DAPK1: variants seen among roughly 807,000 people sequenced by gnomAD.
DAPK1 encodes death-associated protein kinase 1.
In DAPK1, 56 loss-of-function variants were observed where a neutral mutation model predicts 144.9. The ratio of observed to expected loss-of-function variants is 0.39; its 90% confidence interval spans 0.31 to 0.48. The LOEUF (loss-of-function observed/expected upper bound fraction) is 0.48. Ranked by LOEUF, DAPK1 falls within the 20% of genes least tolerant of loss-of-function variation. The pLI, the probability that DAPK1 is intolerant of heterozygous loss-of-function variation, is 0.95. For synonymous variants in DAPK1, 690 were observed against 749.0 expected, an observed-to-expected ratio of 0.92 and a Z score of 1.29; for missense variants, 1,454 against 1,875.4, an observed-to-expected ratio of 0.78 and a Z score of 4.15.
chr9:87,544,057 A>G (rs1208640350), intron 2 of DAPK1, among the ~76,000 whole-genome samples: 3 of 152,218 alleles, frequency 2.0e-5, no homozygotes, highest in Admixed American at 1.3e-4. Flanking sequence ...ATGAATAAGT[A>G]TATAAATATG....
At chr9:87,537,959 C>T (rs570386281) in intron 2 of DAPK1, among the ~76,000 whole-genome samples, 2 of 152,200 alleles carry the variant, frequency 1.3e-5, no homozygotes, top group South Asian at 4.2e-4. Flanking sequence ...ATCCAAAATC[C>T]CTTAGGAATT....
chr9:87,540,903 G>A (rs1182453516), intron 2 of DAPK1, among the ~76,000 whole-genome samples: 2 of 152,066 alleles, frequency 1.3e-5, no homozygotes, highest in Non-Finnish European at 2.9e-5. Flanking sequence ...CTCTTTCCCC[G>A]AGTTCATCTG....
intron 3 of DAPK1, among the ~76,000 whole-genome samples, chr9:87,621,625 T>C (rs749301237): frequency 3.3e-5 from 5 of 152,232 alleles, no homozygotes; most frequent in Non-Finnish European, 7.3e-5. Flanking sequence ...GTCTGTGGTC[T>C]GCAGTTCTTT....
At chr9:87,522,921 C>T (rs1180025485) in intron 2 of DAPK1, among the ~76,000 whole-genome samples, 1 of 152,094 alleles carries the variant, frequency 6.6e-6, no homozygotes, top group East Asian at 1.9e-4. Context: ...TACTCTTTGC[C>T]CATTTTTCTC....
At position 87,643,347 on chromosome 9, in the gene DAPK1, C is replaced by CTTTT. The variant is rs10650070; in HGVS notation, c.919-13_919-10dup. Reference sequence around the variant, plus strand: ...CCTGCCTTTTTCCTCCCCGCCCTCCCTTTTTTTTTTTTTTTTTTTAAAAAA... The same window carrying CTTTT: ...CCTGCCTTTTTCCTCCCCGCCCTCCCTTTTTTTTTTTTTTTTTTTTTTTAAAAAA... On this transcript the variant is annotated intron_variant, in intron 10 of 25. Coordinates refer to ENST00000408954, the MANE Select transcript of DAPK1 (RefSeq NM_004938.4). 3.0e-3 allele frequency: 3,009 copies of CTTTT among 1,000,074 alleles called. 12 individuals carry two copies. Among genetic ancestry groups the CTTTT allele is most frequent in the East Asian group, 0.022 (717 of 31,964 alleles). The allele number at this position is 1,000,074 out of a possible 1,614,324, so 62.0% of individuals were successfully genotyped here. A position where few individuals can be genotyped will look rare whatever the true frequency, so the allele number is the denominator to read the frequency against.
At chr9:87,697,608 C>T (rs1825305598) in intron 22 of DAPK1, among the ~76,000 whole-genome samples, 1 of 152,104 alleles carries the variant, frequency 6.6e-6, no homozygotes, top group African/African-American at 2.4e-5. Context: ...CTAAAGGGTA[C>T]AGAATTAGTC....
At chr9:87,551,912 G>A (rs1826500598) in intron 2 of DAPK1, among the ~76,000 whole-genome samples, 2 of 152,226 alleles carry the variant, frequency 1.3e-5, no homozygotes, top group Admixed American at 1.3e-4. Flanking sequence ...GCAGATGTGA[G>A]TCTCAGATGC....
intron 2 of DAPK1, among the ~76,000 whole-genome samples, chr9:87,584,959 G>A (rs1827895019): frequency 6.6e-6 from 1 of 152,170 alleles, no homozygotes; most frequent in Non-Finnish European, 1.5e-5. Context: ...TTACAAGCGT[G>A]AGCCACTGCG....
At chr9:87,535,478 G>A (rs1393372676) in intron 2 of DAPK1, among the ~76,000 whole-genome samples, 1 of 152,188 alleles carries the variant, frequency 6.6e-6, no homozygotes, top group Non-Finnish European at 1.5e-5. Flanking sequence ...AACTTGGTCT[G>A]TATGGGATCC....
At chr9:87,655,851 C>T (rs936671418) in intron 17 of DAPK1, among the ~76,000 whole-genome samples, 11 of 152,202 alleles carry the variant, frequency 7.2e-5, no homozygotes, top group East Asian at 1.9e-4. Flanking sequence ...GCTGTGCACA[C>T]GCACACATCT....
At chr9:87,670,127 C>T (rs1259618274) in intron 19 of DAPK1, among the ~76,000 whole-genome samples, 1 of 152,066 alleles carries the variant, frequency 6.6e-6, no homozygotes, top group Non-Finnish European at 1.5e-5. Context: ...TGTCATTATG[C>T]CAGCGAATTT....
At chr9:87,500,894 T>C (rs929992477) in intron 2 of DAPK1, among the ~76,000 whole-genome samples, 3 of 152,180 alleles carry the variant, frequency 2.0e-5, no homozygotes, top group Admixed American at 6.5e-5. Flanking sequence ...AAACTGGAAG[T>C]CTGAAGTTTT....
intron 2 of DAPK1, among the ~76,000 whole-genome samples, chr9:87,543,996 G>A (rs1364377444): frequency 1.3e-5 from 2 of 152,014 alleles, no homozygotes; most frequent in Non-Finnish European, 2.9e-5. Flanking sequence ...TGGAAGGCAG[G>A]GATTCAATCT....
intron 2 of DAPK1, among the ~76,000 whole-genome samples, chr9:87,515,772 G>T (rs886239592): frequency 1.3e-5 from 2 of 152,190 alleles, no homozygotes; most frequent in African/African-American, 4.8e-5. Flanking sequence ...AGGGGACCAC[G>T]TGGGTAACAG....
chr9:87,647,479 T>C, intron 14 of DAPK1, 76 bp downstream of exon 14: 1 of 1,217,090 alleles, frequency 8.2e-7, no homozygotes, highest in Non-Finnish European at 1.2e-6. Flanking sequence ...TGGCCTACCG[T>C]GTGCATCGGG....
intron 18 of DAPK1, 157 bp from the exon 19 acceptor site, chr9:87,668,440 C>T (rs1457978448): frequency 3.0e-6 from 2 of 660,846 alleles, no homozygotes; most frequent in East Asian, 2.5e-5. Context: ...AAGGATTGCA[C>T]AGCCAGAGAA....
At chr9:87,497,770 G>C (rs1015442753), upstream of DAPK1, 18 of 339,400 alleles carry the variant, frequency 5.3e-5, no homozygotes, top group African/African-American at 3.9e-4. Flanking sequence ...GGGCAGCTCG[G>C]AGGTGGGTGG....
chr9:87,642,879 A>G (rs766124692), intron 10 of DAPK1, among the ~76,000 whole-genome samples: 29 of 152,152 alleles, frequency 1.9e-4, no homozygotes, highest in Non-Finnish European at 3.5e-4. Context: ...AAATGCAGAG[A>G]TGTTTGTTCT....
chr9:87,619,382 C>T (rs2119032448), intron 3 of DAPK1, among the ~76,000 whole-genome samples: 1 of 152,302 alleles, frequency 6.6e-6, no homozygotes, highest in South Asian at 2.1e-4. Flanking sequence ...TACATGCTAG[C>T]ACACTGTCAG....
Sources: allele counts gnomAD v4.1 joint callset (sites outside exome capture counted in the v4.1 genomes callset), GRCh38; gene constraint gnomAD v4.1.1; transcripts MANE v1.5; gene names NCBI Gene and HGNC (gene_info 2026-07-23, HGNC 2026-07-21).